ABL2: variants seen among roughly 807,000 people sequenced by gnomAD.
The protein encoded by ABL2 is tyrosine-protein kinase ABL2.
ABL2 carries 49 observed loss-of-function variants against 107.7 expected under a neutral mutation model. The observed-to-expected ratio is 0.45, with a 90% confidence interval of 0.36 to 0.58. The LOEUF is 0.58. ABL2 is among the 20% of genes least tolerant of loss of function. ABL2 has a pLI of 0.00. For missense variants in ABL2, 1,245 were observed against 1,457.0 expected (o/e 0.85, Z 2.37); for synonymous variants, 549 against 548.6 (o/e 1.00, Z -0.01).
intron 1 of ABL2, among the ~76,000 whole-genome samples, chr1:179,147,460 A>G (rs539862401): frequency 6.6e-6 from 1 of 152,312 alleles, no homozygotes; most frequent in East Asian, 1.9e-4. Flanking sequence ...CATGGAATCA[A>G]CCTAAGTGTC....
chr1:179,171,137 C>T (rs147738347), intron 1 of ABL2, among the ~76,000 whole-genome samples: 186 of 152,370 alleles, frequency 1.2e-3, no homozygotes, highest in South Asian at 4.1e-3. Flanking sequence ...TGAAAAAACT[C>T]TGAGCAACTA....
chr1:179,183,950 G>A, intron 1 of ABL2: 1 of 268,108 alleles, frequency 3.7e-6, no homozygotes, highest in South Asian at 4.9e-5. Context: ...TTGCCGAAGA[G>A]AGAAAAAGAA....
intron 5 of ABL2, among the ~76,000 whole-genome samples, chr1:179,120,962 G>T (rs1655135507): frequency 6.6e-6 from 1 of 152,126 alleles, no homozygotes; most frequent in Admixed American, 6.6e-5. Flanking sequence ...TTCTTAGAGA[G>T]CAAGGCCTTA....
intron 1 of ABL2, chr1:179,142,934 T>C (rs751882646): frequency 1.2e-6 from 2 of 1,614,080 alleles, no homozygotes; most frequent in Non-Finnish European, 1.7e-6. Context: ...GAACCATACC[T>C]GTTAAGTCGG....
At chr1:179,113,658 G>T (rs1303182914) in intron 9 of ABL2, among the ~76,000 whole-genome samples, 2 of 152,206 alleles carry the variant, frequency 1.3e-5, no homozygotes, top group African/African-American at 4.8e-5. Flanking sequence ...GCCGGGTGCT[G>T]TGGCTCAAGC....
In ABL2 at chr1:179,108,489, A is replaced by G; in HGVS notation, c.2778T>C (p.Thr926=). 6.2e-7 allele frequency: 1 copy of G among 1,614,014 alleles called. No individual in the cohort carries two copies. The highest frequency in any genetic ancestry group is 1.1e-5 in the South Asian group (1 of 91,078). ...TAAGGACTGGCACTTTGTGGTTGTGAGTGGTTGGGAGGACGGGGGCAGCCT... is the reference window on the plus strand; with the variant it reads ...TAAGGACTGGCACTTTGTGGTTGTGGGTGGTTGGGAGGACGGGGGCAGCCT... ...PAKAAPVLPT[T]HNHKVPVLIS... is the part of the protein sequence containing the mutation. The change falls in exon 12 of 12, where the codon ACT becomes ACC. Residue 926 remains threonine (T), a synonymous_variant. Transcript: ENST00000502732.
chr1:179,154,311 G>C (rs765506831), intron 1 of ABL2, among the ~76,000 whole-genome samples: 4 of 152,070 alleles, frequency 2.6e-5, no homozygotes, highest in Non-Finnish European at 5.9e-5. Flanking sequence ...ATTATGTGTC[G>C]GTCTTTATGA....
At position 179,224,080 on chromosome 1, in the gene ABL2, A is replaced by G. The variant is rs759466231; in HGVS notation, c.157+5161T>C. ...TGGGAGGTCAAGGCTGCAGTGAGCC[A>G]TGATCTCGCCAATGCACTCCAGCCT... On this transcript the variant is annotated intron_variant, in intron 1 of 11. Coordinates refer to ENST00000502732, the MANE Select transcript of ABL2 (RefSeq NM_007314.4). Among the ~76,000 whole-genome samples, 486 of 138,884 alleles carry G rather than the reference A, an allele frequency of 3.5e-3. 3 individuals are homozygous for G. The highest frequency in any genetic ancestry group is 5.4e-3 in the Non-Finnish European group (351 of 65,286). The allele number at this position is 138,884 out of a possible 152,430, so 91.1% of individuals were successfully genotyped here. A position where few individuals can be genotyped will look rare whatever the true frequency, so the allele number is the denominator to read the frequency against.
intron 1 of ABL2, among the ~76,000 whole-genome samples, chr1:179,228,081 G>A (rs1487859578): frequency 6.1e-5 from 9 of 147,810 alleles, no homozygotes; most frequent in Non-Finnish European, 1.0e-4. Context: ...AAGAGTTTGG[G>A]CCAGGAACGG....
chr1:179,139,795 C>T (rs188324329), intron 1 of ABL2, among the ~76,000 whole-genome samples: 76 of 152,286 alleles, frequency 5.0e-4, no homozygotes, highest in Admixed American at 4.2e-3. Flanking sequence ...TTGATTCTCA[C>T]AGGAGCTGAA....
chr1:179,192,846 A>G (rs1661094727), intron 1 of ABL2, among the ~76,000 whole-genome samples: 1 of 152,196 alleles, frequency 6.6e-6, no homozygotes, highest in South Asian at 2.1e-4. Flanking sequence ...AAATTTTGCT[A>G]TTTCAAGTAC....
intron 1 of ABL2, among the ~76,000 whole-genome samples, chr1:179,152,620 C>T (rs926929452): frequency 2.7e-4 from 41 of 152,192 alleles, no homozygotes; most frequent in African/African-American, 9.9e-4. Flanking sequence ...GGCCAAATGA[C>T]ATGTTCTTGA....
intron 1 of ABL2, among the ~76,000 whole-genome samples, chr1:179,141,580 C>CA (rs1440515584): frequency 1.3e-5 from 2 of 152,088 alleles, no homozygotes; most frequent in African/African-American, 4.8e-5. Context: ...TTTTTGAGGC[C>CA]AAAGTACTAA....
chr1:179,171,842 A>G (rs997239051), intron 1 of ABL2, among the ~76,000 whole-genome samples: 1 of 152,244 alleles, frequency 6.6e-6, no homozygotes, highest in African/African-American at 2.4e-5. Context: ...TCATGTATCC[A>G]GGAAACTCTA....
Position 179,126,282 on chromosome 1 carries a change from C to T in ABL2, c.687+95G>A. The T allele has an allele frequency of 7.3e-7, 1 of 1,365,214 alleles. No homozygotes were observed. Among genetic ancestry groups the T allele is most frequent in the South Asian group, 1.4e-5 (1 of 69,826 alleles). 84.6% of individuals were successfully genotyped at this position (1,365,214 alleles called of 1,614,324 possible). On this transcript the variant is annotated intron_variant, in intron 4 of 11. Coordinates refer to ENST00000502732, the MANE Select transcript of ABL2 (RefSeq NM_007314.4). This position sits in a 1 kb window ranked among gnomAD's most constrained non-coding sequence, Gnocchi z 4.4. Reference sequence around the variant, plus strand: ...AGCTAGTGAATATTTTATTTCACGTCAGACATAAAATCTATTATTTCACTT... The same window carrying T: ...AGCTAGTGAATATTTTATTTCACGTTAGACATAAAATCTATTATTTCACTT...
intron 3 of ABL2, among the ~76,000 whole-genome samples, chr1:179,128,392 T>C (rs903507241): frequency 1.3e-5 from 2 of 152,158 alleles, no homozygotes; most frequent in Non-Finnish European, 2.9e-5. Flanking sequence ...TGTTGCTCTG[T>C]AGCTTTTCTC....
intron 10 of ABL2, chr1:179,110,926 T>G: frequency 6.3e-7 from 1 of 1,584,604 alleles, no homozygotes; most frequent in South Asian, 1.1e-5. Context: ...CTATTTTGCA[T>G]GAAAGCTGTG....
intron 1 of ABL2, among the ~76,000 whole-genome samples, chr1:179,227,646 T>G (rs982285665): frequency 6.6e-6 from 1 of 152,258 alleles, no homozygotes; most frequent in Non-Finnish European, 1.5e-5. Flanking sequence ...TGTAAACTAC[T>G]AATCCATTCT....
chr1:179,110,142 G>A, intron 11 of ABL2, 140 bp downstream of exon 11: 2 of 993,798 alleles, frequency 2.0e-6, no homozygotes, highest in Non-Finnish European at 3.1e-6. Flanking sequence ...GGATAGCCAA[G>A]GGCTTCATGG....
Sources: gnomAD v4.1 joint callset for allele counts (sites outside exome capture counted in the v4.1 genomes callset) on GRCh38, gnomAD v4.1.1 for gene constraint, Gnocchi (gnomAD v3.1) non-coding constraint, MANE v1.5 for transcripts, NCBI Gene and HGNC (gene_info 2026-07-23, HGNC 2026-07-21) for gene names.